WDR70: variants seen among roughly 807,000 people sequenced by gnomAD.
WDR70 encodes WD repeat-containing protein 70.
WDR70 carries 53 observed loss-of-function variants against 88.6 expected under a neutral mutation model. That is an observed-to-expected ratio of 0.60 (90% CI 0.48 to 0.75). The LOEUF (loss-of-function observed/expected upper bound fraction) is 0.75. WDR70 is among the 30% of genes least tolerant of loss of function. The pLI, the probability that WDR70 is intolerant of heterozygous loss-of-function variation, is 0.00. For synonymous variants in WDR70, 280 were observed against 270.0 expected (o/e 1.04, Z -0.36); for missense variants, 610 against 823.2 (o/e 0.74, Z 3.17).
At chr5:37,436,654 G>A (rs1159676153) in intron 5 of WDR70, among the ~76,000 whole-genome samples, 3 of 152,104 alleles carry the variant, frequency 2.0e-5, no homozygotes, top group Non-Finnish European at 4.4e-5. Context: ...CCAAAATTGA[G>A]GTAGGGGGTG....
At chr5:37,567,132 A>G (rs1742767788) in intron 9 of WDR70, among the ~76,000 whole-genome samples, 2 of 152,176 alleles carry the variant, frequency 1.3e-5, no homozygotes, top group South Asian at 4.1e-4. Context: ...GAGTGCTGAA[A>G]CAGTGCCCTT....
intron 3 of WDR70, among the ~76,000 whole-genome samples, chr5:37,386,585 C>T (rs1242186235): frequency 1.3e-5 from 2 of 152,158 alleles, no homozygotes; most frequent in African/African-American, 4.8e-5. Context: ...GCCTCAACCT[C>T]CCAAAGTGAA....
chr5:37,504,162 G>A (rs1740485194), intron 8 of WDR70, among the ~76,000 whole-genome samples: 1 of 152,020 alleles, frequency 6.6e-6, no homozygotes, highest in African/African-American at 2.4e-5. Flanking sequence ...AGTTATTTCA[G>A]CCTTATTAGT....
intron 8 of WDR70, among the ~76,000 whole-genome samples, chr5:37,482,459 T>G (rs963191110): frequency 6.6e-6 from 1 of 152,166 alleles, no homozygotes; most frequent in Non-Finnish European, 1.5e-5. Flanking sequence ...GCAGGGGAAC[T>G]CCCATTTATA....
intron 8 of WDR70, 99 bp downstream of exon 8, chr5:37,480,086 C>G: frequency 7.1e-7 from 1 of 1,409,654 alleles, no homozygotes; most frequent in Non-Finnish European, 9.6e-7. Flanking sequence ...AAGTTAGTGT[C>G]ATAAAACAAT....
intron 9 of WDR70, among the ~76,000 whole-genome samples, chr5:37,538,757 G>GA (rs544046440): frequency 6.6e-6 from 1 of 152,230 alleles, no homozygotes; most frequent in South Asian, 2.1e-4. Flanking sequence ...TTACCAGAAT[G>GA]AAAATTAATG....
intron 17 of WDR70, among the ~76,000 whole-genome samples, chr5:37,742,217 G>A (rs1748502298): frequency 6.6e-6 from 1 of 150,428 alleles, no homozygotes; most frequent in Middle Eastern, 3.6e-3. Context: ...AGCATGCAAG[G>A]GTTCCAGTTT....
chr5:37,479,994 A>G lies in WDR70; in HGVS notation c.840+7A>G, dbSNP rs199500944. The G allele has an allele frequency of 3.0e-4, 481 of 1,602,118 alleles. No homozygotes were observed. In the Middle Eastern group the frequency reaches 4.3e-3, roughly 14 times the overall value. ...GGACATGGCCAACACCAAGGTAAGC[A>G]TTAAACAGAATATTTTAATGAATTA... On this transcript the variant is annotated splice_region_variant and intron_variant, in intron 8 of 17. Coordinates refer to ENST00000265107, the MANE Select transcript of WDR70 (RefSeq NM_018034.4).
Position 37,379,545 on chromosome 5 carries a change from A to G in WDR70, c.82A>G (p.Thr28Ala), listed in dbSNP as rs1243097968. The G allele has an allele frequency of 6.2e-7, 1 of 1,613,822 alleles. No individual in the cohort carries two copies. The highest frequency in any genetic ancestry group is 8.5e-7 in the Non-Finnish European group (1 of 1,179,866). The change falls in exon 2 of 18, where the codon ACG (threonine) becomes GCG (alanine). Residue 28 changes from threonine (T) to alanine (A), a missense_variant. By Grantham distance (58) the Thr-to-Ala change is moderately conservative (BLOSUM62 0). Transcript: ENST00000265107. ...GCAGCTTGCGGTCACCATGGGCTTC[A>G]CGGGGTTCGGTGAGTGACTGCCCCA... ...DPQLAVTMGF[T>A]GFGKKARTFD...
intron 8 of WDR70, among the ~76,000 whole-genome samples, chr5:37,515,280 G>A (rs1189871801): frequency 1.4e-4 from 21 of 152,172 alleles, no homozygotes; most frequent in Non-Finnish European, 2.9e-5. Context: ...CAACTCTCAC[G>A]TTTTTAGCTT....
intron 6 of WDR70, among the ~76,000 whole-genome samples, chr5:37,441,151 G>C (rs1439304066): frequency 6.6e-6 from 1 of 152,188 alleles, no homozygotes; most frequent in African/African-American, 2.4e-5. Flanking sequence ...TAACAGGAGG[G>C]AAGAAGGATA....
At chr5:37,562,532 G>A (rs984441255) in intron 9 of WDR70, among the ~76,000 whole-genome samples, 1 of 151,970 alleles carries the variant, frequency 6.6e-6, no homozygotes, top group Non-Finnish European at 1.5e-5. Context: ...TGGAGGGAAG[G>A]TCAGCAGATA....
At chr5:37,670,048 A>T (rs147009636) in intron 10 of WDR70, among the ~76,000 whole-genome samples, 261 of 152,292 alleles carry the variant, frequency 1.7e-3, no homozygotes, top group Non-Finnish European at 3.0e-3. Context: ...GTGATTGCTC[A>T]TGTGTATGGG....
At chr5:37,424,811 C>G (rs1322062916) in intron 5 of WDR70, among the ~76,000 whole-genome samples, 1 of 152,072 alleles carries the variant, frequency 6.6e-6, no homozygotes, top group Non-Finnish European at 1.5e-5. Context: ...GTAATTTTTT[C>G]CAGCTTTTTG....
chr5:37,550,267 G>A (rs891061107), intron 9 of WDR70, among the ~76,000 whole-genome samples: 9 of 152,244 alleles, frequency 5.9e-5, no homozygotes, highest in East Asian at 1.9e-4. Context: ...CAATTTCCAC[G>A]TATTTGTATA....
chr5:37,446,345 G>A (rs1052289617), intron 7 of WDR70, among the ~76,000 whole-genome samples: 6 of 152,206 alleles, frequency 3.9e-5, no homozygotes, highest in East Asian at 3.9e-4. Flanking sequence ...AATCAATATC[G>A]TGAAAATGGC....
At chr5:37,526,013 TC>T (rs571571025) in intron 9 of WDR70, among the ~76,000 whole-genome samples, 291 of 152,112 alleles carry the variant, frequency 1.9e-3, no homozygotes, top group Non-Finnish European at 3.4e-3. Flanking sequence ...CCAAAAGAAG[TC>T]CAGGACCAGA....
chr5:37,711,987 C>CTTTTTTTTTTTT (rs70978842), intron 13 of WDR70, among the ~76,000 whole-genome samples: 23 of 104,024 alleles, frequency 2.2e-4, no homozygotes, highest in African/African-American at 6.0e-4. Context: ...TATATTTTTT[C>CTTTTTTTTTTTT]TTTTTTTTTT....
intron 17 of WDR70, among the ~76,000 whole-genome samples, chr5:37,747,728 T>C (rs1748674800): frequency 6.6e-6 from 1 of 152,202 alleles, no homozygotes; most frequent in African/African-American, 2.4e-5. Context: ...TGATTTTATA[T>C]TTAGAAAACC....
Sources: allele counts gnomAD v4.1 joint callset (sites outside exome capture counted in the v4.1 genomes callset), GRCh38; gene constraint gnomAD v4.1.1; transcripts MANE v1.5; gene names NCBI Gene and HGNC (gene_info 2026-07-23, HGNC 2026-07-21).